Variants in NAV2 observed in about 807,000 individuals in gnomAD.
NAV2 encodes the protein neuron navigator 2, also known as helicase, APC down-regulated 1.
NAV2 carries 54 observed loss-of-function variants against 223.2 expected under a neutral mutation model. The ratio of observed to expected loss-of-function variants is 0.24; its 90% CI spans 0.19 to 0.30. The LOEUF (loss-of-function observed/expected upper bound fraction) is 0.30, where lower values mean the gene tolerates loss of function less well. Among genes scored for constraint, NAV2 ranks in the 10% least tolerant of loss-of-function variants. The pLI is 1.00. For synonymous variants in NAV2, 1,279 were observed against 1,239.3 expected (o/e 1.03, Z -0.67); for missense variants, 2,806 against 3,147.5 (o/e 0.89, Z 2.60).
At chr11:19,676,787 G>A (rs553071210) in intron 1 of NAV2, among the ~76,000 whole-genome samples, 10 of 152,326 alleles carry the variant, frequency 6.6e-5, no homozygotes, top group African/African-American at 1.9e-4. Context: ...TCCCACTGGC[G>A]ACTCAATTCA....
At chr11:19,555,445 C>G (rs919579705) in intron 1 of NAV2, among the ~76,000 whole-genome samples, 1 of 148,956 alleles carries the variant, frequency 6.7e-6, no homozygotes, top group Non-Finnish European at 1.5e-5. Flanking sequence ...ACTCCCAGAC[C>G]TGGGGGGGGC....
intron 1 of NAV2, among the ~76,000 whole-genome samples, chr11:19,649,438 C>T (rs1031267900): frequency 5.9e-5 from 9 of 152,218 alleles, no homozygotes; most frequent in Admixed American, 3.9e-4. Context: ...AAACAACAAA[C>T]ATTTGTTTCT....
intron 1 of NAV2, among the ~76,000 whole-genome samples, chr11:19,378,772 T>A (rs1008841483): frequency 2.6e-5 from 4 of 152,152 alleles, no homozygotes; most frequent in Admixed American, 6.5e-5. Context: ...CACACCTTAG[T>A]GCTGCTAAGG....
intron 1 of NAV2, among the ~76,000 whole-genome samples, chr11:19,559,633 CA>C (rs1330941425): frequency 3.9e-5 from 6 of 152,118 alleles, no homozygotes; most frequent in Admixed American, 3.9e-4. Flanking sequence ...CAGGAGGGGT[CA>C]CATGCTTATC....
At chr11:19,799,731 A>T (rs1312959731) in intron 1 of NAV2, among the ~76,000 whole-genome samples, 6 of 152,162 alleles carry the variant, frequency 3.9e-5, no homozygotes, top group Non-Finnish European at 8.8e-5. Flanking sequence ...TAGAGTCCCA[A>T]GTGCAGTAGA....
At chr11:19,417,479 A>G (rs1287198610) in intron 1 of NAV2, among the ~76,000 whole-genome samples, 1 of 152,178 alleles carries the variant, frequency 6.6e-6, no homozygotes, top group African/African-American at 2.4e-5. Context: ...AAATAGGAAC[A>G]CTTTTACACT....
intron 11 of NAV2, among the ~76,000 whole-genome samples, chr11:20,021,735 T>A (rs939813087): frequency 1.2e-4 from 18 of 152,168 alleles, no homozygotes; most frequent in African/African-American, 4.3e-4. Context: ...CTCAGCAGTA[T>A]TTCAAGTGGA....
At position 19,723,568 on chromosome 11, in the gene NAV2, C is replaced by T. The variant is rs114135286; in HGVS notation, c.267+9606C>T. Among the ~76,000 whole-genome samples the T allele has an allele frequency of 2.9e-3, 447 of 152,368 alleles. 3 individuals carry two copies. Among genetic ancestry groups the T allele is most frequent in the African/African-American group, 0.01 (427 of 41,584 alleles). ...ACTCCCTGCTTCCCTGGTCTCGGCCCTTCTTGCTGCTTCCCCCTCGTTGGG... is the reference window on the plus strand; with the variant it reads ...ACTCCCTGCTTCCCTGGTCTCGGCCTTTCTTGCTGCTTCCCCCTCGTTGGG... On this transcript the variant is annotated intron_variant, in intron 1 of 37. Coordinates refer to ENST00000349880, the MANE Select transcript of NAV2 (RefSeq NM_145117.5).
chr11:19,353,870 T>C (rs16936577), intron 1 of NAV2, among the ~76,000 whole-genome samples: 6,262 of 152,272 alleles, frequency 0.041, 457 homozygotes, highest in African/African-American at 0.14. Context: ...ATATTATTCT[T>C]GACTTTTTTT....
At chr11:19,692,763 C>G (rs952793438) in intron 1 of NAV2, among the ~76,000 whole-genome samples, 1 of 152,016 alleles carries the variant, frequency 6.6e-6, no homozygotes, top group Non-Finnish European at 1.5e-5. Flanking sequence ...GTTCTAGACT[C>G]AGGGGATGCA....
intron 1 of NAV2, among the ~76,000 whole-genome samples, chr11:19,445,991 C>T (rs1851569159): frequency 6.6e-6 from 1 of 152,208 alleles, no homozygotes; most frequent in Non-Finnish European, 1.5e-5. Context: ...GTCATCCTGT[C>T]ATATGTCCTT....
At chr11:19,746,355 C>T (rs546819575) in intron 1 of NAV2, among the ~76,000 whole-genome samples, 1 of 137,356 alleles carries the variant, frequency 7.3e-6, no homozygotes, top group African/African-American at 2.7e-5. Flanking sequence ...AAGTAACTGA[C>T]TTCAGTATGC....
At chr11:19,652,635 G>C (rs61876699) in intron 1 of NAV2, among the ~76,000 whole-genome samples, 1 of 152,158 alleles carries the variant, frequency 6.6e-6, no homozygotes, top group African/African-American at 2.4e-5. Context: ...AGGATGCGTG[G>C]TAAAAAGCAC....
At chr11:19,598,310 G>A (rs762136719) in intron 1 of NAV2, among the ~76,000 whole-genome samples, 2 of 152,240 alleles carry the variant, frequency 1.3e-5, no homozygotes, top group Non-Finnish European at 2.9e-5. Context: ...CACCCACAGC[G>A]AGTAGCCATC....
intron 1 of NAV2, among the ~76,000 whole-genome samples, chr11:19,754,446 G>A (rs2054080545): frequency 6.6e-6 from 1 of 152,172 alleles, no homozygotes; most frequent in South Asian, 2.1e-4. Context: ...ATGAAGAAGT[G>A]GTGAAGGAAG....
intron 1 of NAV2, among the ~76,000 whole-genome samples, chr11:19,724,360 T>C (rs2051047555): frequency 6.6e-6 from 1 of 152,202 alleles, no homozygotes. Flanking sequence ...AAAATGAGTA[T>C]CTTTTTTTAA....
chr11:20,093,075 G>C, intron 28 of NAV2, 24 bp from the exon 29 acceptor site: 1 of 1,583,612 alleles, frequency 6.3e-7, no homozygotes, highest in Non-Finnish European at 8.6e-7. Context: ...TGTGCCTAAG[G>C]CTGTTGATGT....
chr11:20,013,199 A>G (rs577949428), intron 11 of NAV2, among the ~76,000 whole-genome samples: 267 of 14,322 alleles, frequency 0.019, 3 homozygotes, highest in African/African-American at 0.033. Flanking sequence ...AATAAAATCT[A>G]TCATACTGGG....
intron 1 of NAV2, among the ~76,000 whole-genome samples, chr11:19,822,095 G>A (rs1188840290): frequency 6.6e-6 from 1 of 152,164 alleles, no homozygotes; most frequent in Non-Finnish European, 1.5e-5. Context: ...ACGTTGCATG[G>A]CATCATCTTC....
Sources: gnomAD v4.1 joint callset for allele counts (sites outside exome capture counted in the v4.1 genomes callset) on GRCh38, gnomAD v4.1.1 for gene constraint, MANE v1.5 for transcripts, NCBI Gene and HGNC (gene_info 2026-07-23, HGNC 2026-07-21) for gene names.